The following SHROOM4 variants were observed in gnomAD, a reference collection of about 807,000 sequenced individuals.
The protein encoded by SHROOM4 is protein Shroom4.
Under a neutral mutation model 80.3 loss-of-function variants are expected in SHROOM4, and 17 were observed. The ratio of observed to expected loss-of-function variants is 0.21; its 90% CI spans 0.14 to 0.32. SHROOM4 has a LOEUF of 0.32. SHROOM4 is among the 10% of genes least tolerant of loss of function. The pLI, the probability that SHROOM4 is intolerant of heterozygous loss-of-function variation, is 1.00. For missense variants in SHROOM4, 993 were observed against 1,140.3 expected, an observed-to-expected ratio of 0.87 and a Z score of 1.86; for synonymous variants, 400 against 437.5, an observed-to-expected ratio of 0.91 and a Z score of 1.07.
At chrX:50,609,803 G>T (rs1929874862) in intron 5 of SHROOM4, among the ~76,000 whole-genome samples, 1 of 109,952 alleles carries the variant, frequency 9.1e-6, no homozygotes, top group Non-Finnish European at 1.9e-5. Context: ...ATCATTGTGA[G>T]GTGAAATAAG....
At chrX:50,643,173 T>A (rs1931671420) in intron 2 of SHROOM4, 1 of 111,760 alleles carries the variant, frequency 8.9e-6, no homozygotes, top group African/African-American at 3.3e-5. Flanking sequence ...TCAGGCACTA[T>A]CAATAAGCAC....
chrX:50,763,723 G>A (rs1359499241), intron 1 of SHROOM4, among the ~76,000 whole-genome samples: 5 of 111,413 alleles, frequency 4.5e-5, no homozygotes, highest in Admixed American at 1.9e-4. Flanking sequence ...TGCCCCTTAA[G>A]CCTTAATGAT....
chrX:50,629,150 T>C (rs1237177788), intron 4 of SHROOM4, among the ~76,000 whole-genome samples: 9 of 111,801 alleles, frequency 8.1e-5, no homozygotes, highest in Admixed American at 9.5e-5. Context: ...ACTTTTTTTT[T>C]CCCTAAGCCA....
chrX:50,605,461 C>T (rs782425622), intron 6 of SHROOM4, among the ~76,000 whole-genome samples: 9 of 112,585 alleles, frequency 8.0e-5, no homozygotes, highest in Non-Finnish European at 1.1e-4. Context: ...CCCTTACATC[C>T]TAGAGTCATT....
At position 50,671,825 on chromosome X, in the gene SHROOM4, C is replaced by T. The variant is rs183496946; in HGVS notation, c.269+23961G>A. ...TCCTTTAAGAACTTTCCTTTGCATT[C>T]ACAACTTGGCTGTTCGGTGCAAGAG... On this transcript the variant is annotated intron_variant, in intron 2 of 8. Transcript: ENST00000376020. Among the ~76,000 whole-genome samples the T allele has an allele frequency of 9.7e-5, 11 of 112,857 alleles. No homozygotes were observed. The East Asian group carries it at 3.1e-3, about 32-fold the overall frequency.
intron 5 of SHROOM4, 68 bp downstream of exon 5, chrX:50,627,546 G>T (rs1930852362): frequency 5.0e-6 from 5 of 996,482 alleles, no homozygotes; most frequent in Middle Eastern, 2.9e-4. Context: ...GCAAACCAAA[G>T]ACCTTAGCAA....
rs139822977 is a variant in SHROOM4 at position 50,731,563 on chromosome X, C to T, written c.118-35626G>A. 7.6e-3 allele frequency among the ~76,000 whole-genome samples: 846 copies of T among 111,796 alleles called. 9 individuals carry two copies. Among genetic ancestry groups the T allele is most frequent in the African/African-American group, 0.026 (805 of 30,769 alleles). ...CATGGTCATGGTGTGTTATGAACAC[C>T]AGAGCTCCAATAGCCCTTCTCTCAG... On this transcript the variant is annotated intron_variant, in intron 1 of 8. Transcript: ENST00000376020.
At chrX:50,642,102 A>C (rs1419114493) in intron 2 of SHROOM4, among the ~76,000 whole-genome samples, 1 of 112,245 alleles carries the variant, frequency 8.9e-6, no homozygotes, top group African/African-American at 3.2e-5. Flanking sequence ...AACTATCTAT[A>C]TGGTCTACTA....
chrX:50,636,393 T>C (rs1931358810), intron 3 of SHROOM4, among the ~76,000 whole-genome samples: 1 of 111,384 alleles, frequency 9.0e-6, no homozygotes, highest in African/African-American at 3.3e-5. Context: ...GGTGTTCCCC[T>C]ATTCTTTTCT....
At chrX:50,618,615 T>C (rs1174157358) in intron 5 of SHROOM4, among the ~76,000 whole-genome samples, 1 of 110,672 alleles carries the variant, frequency 9.0e-6, no homozygotes, top group Non-Finnish European at 1.9e-5. Context: ...CTCGAACTCC[T>C]GACCTCAAGT....
intron 2 of SHROOM4, among the ~76,000 whole-genome samples, 167 bp downstream of exon 2, chrX:50,695,619 A>T (rs1933348156): frequency 8.9e-6 from 1 of 112,432 alleles, no homozygotes; most frequent in African/African-American, 3.2e-5. Flanking sequence ...ATTTGAACCA[A>T]AGGCTCTTTC....
Position 50,634,454 on chromosome X carries a change from C to T in SHROOM4, c.1619G>A (p.Cys540Tyr), listed in dbSNP as rs782678789. Residue 540 changes from cysteine to tyrosine, a missense_variant, in exon 4 of 9, where the codon TGT (cysteine) becomes TAT (tyrosine). By Grantham distance (194) the Cys-to-Tyr change is radical. Transcript: ENST00000376020. ...ACTAGCTGCTTTAGTGGTTGAAGAA[C>T]AGTCCGTGGCTTGTTGAACAAGGGA... ...SGSLVQQATD[C>Y]SSTTKAASGT... 12 of 1,211,591 alleles carry T rather than the reference C, an allele frequency of 9.9e-6. No homozygotes were observed. The East Asian group carries it at 3.0e-4, about 30-fold the overall frequency.
At chrX:50,704,125 G>C (rs1036778987) in intron 1 of SHROOM4, among the ~76,000 whole-genome samples, 1 of 111,890 alleles carries the variant, frequency 8.9e-6, no homozygotes, top group Admixed American at 9.5e-5. Context: ...AGCATTAAGA[G>C]AGCACTGTGT....
chrX:50,602,523 C>T, intron 7 of SHROOM4, 110 bp downstream of exon 7: 1 of 808,559 alleles, frequency 1.2e-6, no homozygotes, highest in Non-Finnish European at 1.9e-6. Context: ...GGTTTCCATA[C>T]TGAAAATATG....
Position 50,592,579 on chromosome X carries a change from G to T in SHROOM4, c.*4116C>A. 7.6e-6 allele frequency: 1 copy of T among 131,293 alleles called. No homozygotes were observed. The highest frequency in any genetic ancestry group is 1.5e-5 in the Non-Finnish European group (1 of 64,895). 10.8% of individuals were successfully genotyped at this position (131,293 alleles called of 1,213,427 possible). A position where few individuals can be genotyped will look rare whatever the true frequency, so the allele number is the denominator to read the frequency against. ...GATAGTTGGAATGTGAACAGAATAT[G>T]GATCACGAAAAAAGAAAGCTTTTCA... On this transcript the variant is annotated 3_prime_UTR_variant, in exon 9 of 9. Coordinates refer to ENST00000376020, the MANE Select transcript of SHROOM4 (RefSeq NM_020717.5).
At chrX:50,600,176 T>A (rs782574323) in intron 7 of SHROOM4, among the ~76,000 whole-genome samples, 32 of 112,175 alleles carry the variant, frequency 2.9e-4, no homozygotes, top group Admixed American at 2.2e-3. Flanking sequence ...GTATTATGAC[T>A]GGCACTTAAA....
intron 1 of SHROOM4, among the ~76,000 whole-genome samples, chrX:50,720,328 T>C (rs1557265318): frequency 9.0e-6 from 1 of 111,677 alleles, no homozygotes; most frequent in African/African-American, 3.3e-5. Context: ...GACATGAGGG[T>C]GGCCAAAGGC....
chrX:50,638,697 G>T (rs1259417375), intron 2 of SHROOM4, among the ~76,000 whole-genome samples: 1 of 112,721 alleles, frequency 8.9e-6, no homozygotes, highest in Non-Finnish European at 1.9e-5. Flanking sequence ...AAAGGAATGG[G>T]CAAGTGATTG....
intron 6 of SHROOM4, 101 bp downstream of exon 6, chrX:50,607,280 C>T (rs368978387): frequency 2.1e-6 from 2 of 943,726 alleles, no homozygotes; most frequent in Non-Finnish European, 3.0e-6. Context: ...AGCAGTTTAA[C>T]TGGCCAGCCT....
Sources: gnomAD v4.1 joint callset for allele counts (sites outside exome capture counted in the v4.1 genomes callset) on GRCh38, gnomAD v4.1.1 for gene constraint, MANE v1.5 for transcripts, NCBI Gene and HGNC (gene_info 2026-07-23, HGNC 2026-07-21) for gene names.